Variants in C4orf51 observed in about 807,000 individuals in gnomAD.
C4orf51 encodes the protein uncharacterized protein C4orf51.
In C4orf51, 25 loss-of-function variants were observed where a neutral mutation model predicts 25.2. That is an observed-to-expected ratio of 0.99 (90% CI 0.72 to 1.39). The LOEUF (loss-of-function observed/expected upper bound fraction) is 1.39. C4orf51 is among the 40% of genes most tolerant of loss of function. C4orf51 has a pLI of 0.00. For missense variants in C4orf51, 252 were observed against 239.6 expected, an observed-to-expected ratio of 1.05 and a Z score of -0.34; for synonymous variants, 100 against 84.5, an observed-to-expected ratio of 1.18 and a Z score of -1.01.
At chr4:145,727,924 A>ATAATAT (rs1560851188) in intron 3 of C4orf51, among the ~76,000 whole-genome samples, 2 of 93,664 alleles carry the variant, frequency 2.1e-5, no homozygotes, top group African/African-American at 5.5e-5. Context: ...TATATATATA[A>ATAATAT]AATATATTAT....
chr4:145,779,469 G>A, the C4orf51 span: 2 of 1,614,204 alleles, frequency 1.2e-6, no homozygotes, highest in African/African-American at 2.7e-5. Context: ...GAATTTCCAG[G>A]ATGGTAATCC....
chr4:145,775,703 T>A, downstream of C4orf51: 2 of 1,506,838 alleles, frequency 1.3e-6, no homozygotes, highest in South Asian at 1.2e-5. Flanking sequence ...AGGGGCCTCG[T>A]GATGTATGCC....
In C4orf51 at chr4:145,765,206, C is replaced by T. The variant is rs1054980380; in HGVS notation, n.167-5782C>T. Reference sequence around the variant, plus strand: ...CTGGGTATAGAGGTGCACAGGGCAGCGGGGAGAGGAGGGCAGGAGTGGAGC... The same window carrying T: ...CTGGGTATAGAGGTGCACAGGGCAGTGGGGAGAGGAGGGCAGGAGTGGAGC... On this transcript the variant is annotated intron_variant and non_coding_transcript_variant, in intron 1 of 1. Transcript: ENST00000510096. The surrounding 1 kb of genome is among the most constrained non-coding windows in gnomAD (Gnocchi z 4.7). 4.5e-5 allele frequency: 70 copies of T among 1,543,988 alleles called. No individual in the cohort carries two copies. The highest frequency in any genetic ancestry group is 1.3e-4 in the South Asian group (10 of 79,438).
chr4:145,741,892 G>T (rs971004896), intron 1 of C4orf51, among the ~76,000 whole-genome samples: 2 of 151,946 alleles, frequency 1.3e-5, no homozygotes, highest in Non-Finnish European at 2.9e-5. Context: ...GTAGAGACTG[G>T]GTTTCACCAT....
At chr4:145,704,715 G>T (rs537916608) in intron 2 of C4orf51, among the ~76,000 whole-genome samples, 246 of 152,224 alleles carry the variant, frequency 1.6e-3, no homozygotes, top group African/African-American at 5.7e-3. Flanking sequence ...TTTGTTACTG[G>T]TGGCAAATCC....
At chr4:145,757,621 C>T (rs1579048117), downstream of C4orf51, 1 of 149,450 alleles carries the variant, frequency 6.7e-6, no homozygotes, top group Admixed American at 6.6e-5. Context: ...GAAAAAGAAA[C>T]AAGAGTATAG....
chr4:145,730,388 ATCTATGG>A (rs1283163047), intron 5 of C4orf51, among the ~76,000 whole-genome samples: 1 of 152,072 alleles, frequency 6.6e-6, no homozygotes, highest in Non-Finnish European at 1.5e-5. Context: ...GCCACTCAGC[ATCTATGG>A]TCCCTGCTTC....
chr4:145,756,882 A>G (rs1733987245), downstream of C4orf51, among the ~76,000 whole-genome samples: 1 of 152,204 alleles, frequency 6.6e-6, no homozygotes, highest in African/African-American at 2.4e-5. Flanking sequence ...AGTAAATTTG[A>G]TCTTTTTAAA....
chr4:145,692,057 C>G (rs1159331837), intron 1 of C4orf51, among the ~76,000 whole-genome samples: 1 of 152,158 alleles, frequency 6.6e-6, no homozygotes, highest in Non-Finnish European at 1.5e-5. Context: ...ATATTGTAGA[C>G]CTAGCAATTC....
chr4:145,689,970 C>G (rs1385549790), intron 1 of C4orf51, among the ~76,000 whole-genome samples: 1 of 138,060 alleles, frequency 7.2e-6, no homozygotes, highest in Non-Finnish European at 1.6e-5. Context: ...TTTGGGAGGC[C>G]TAGGTGGGCG....
At chr4:145,776,087 G>T in the C4orf51 span, 2 of 1,041,576 alleles carry the variant, frequency 1.9e-6, no homozygotes, top group Non-Finnish European at 2.8e-6. Context: ...GGAGACAATG[G>T]TAATGCCTAG....
intron 2 of C4orf51, among the ~76,000 whole-genome samples, chr4:145,718,895 A>G (rs1280863990): frequency 6.6e-6 from 1 of 152,238 alleles, no homozygotes; most frequent in Non-Finnish European, 1.5e-5. Context: ...TGTATCCTTC[A>G]GGTCCTTCAA....
intron 1 of C4orf51, among the ~76,000 whole-genome samples, chr4:145,743,882 C>A (rs1006205070): frequency 6.6e-6 from 1 of 152,212 alleles, no homozygotes; most frequent in Non-Finnish European, 1.5e-5. Context: ...GTATGGAAAT[C>A]CCACTCATTC....
At chr4:145,787,966 CA>C in the C4orf51 span, among the ~76,000 whole-genome samples, 76 of 152,218 alleles carry the variant, frequency 5.0e-4, 1 homozygote, top group Admixed American at 1.2e-3. Context: ...TCATTTTTTT[CA>C]AAGTTGCTGT....
In C4orf51 at chr4:145,761,404, G is replaced by C. The variant is rs1734472275; in HGVS notation, n.167-9584G>C. 2 of 1,289,872 alleles carry C rather than the reference G, an allele frequency of 1.6e-6. No individual in the cohort carries two copies. Among genetic ancestry groups the C allele is most frequent in the Non-Finnish European group, 2.0e-6 (2 of 988,862 alleles). The allele number at this position is 1,289,872 out of a possible 1,614,324, so 79.9% of individuals were successfully genotyped here. On this transcript the variant is annotated intron_variant and non_coding_transcript_variant, in intron 1 of 1. Transcript: ENST00000510096. This position sits in a 1 kb window ranked among gnomAD's most constrained non-coding sequence, Gnocchi z 6.8. The stretch of plus-strand genomic sequence containing the variant: ...CACGTGCTCGATGAGCTTGTTGGCG[G>C]TCTTGGACAGGTAGCCGCACTGGTC...
chr4:145,687,789 T>C (rs966690465), intron 1 of C4orf51, among the ~76,000 whole-genome samples: 1 of 152,024 alleles, frequency 6.6e-6, no homozygotes, highest in African/African-American at 2.4e-5. Context: ...ACAGGACAAA[T>C]AGGGAGCACT....
At chr4:145,788,998 A>G in the C4orf51 span, among the ~76,000 whole-genome samples, 2 of 152,202 alleles carry the variant, frequency 1.3e-5, no homozygotes, top group Non-Finnish European at 2.9e-5. Flanking sequence ...TTCCACTGCT[A>G]TTAGAGGCTG....
chr4:145,719,351 A>T (rs1731592468), intron 2 of C4orf51, among the ~76,000 whole-genome samples: 1 of 152,180 alleles, frequency 6.6e-6, no homozygotes, highest in Admixed American at 6.5e-5. Flanking sequence ...CACACCTGTA[A>T]TCCCAGCACT....
chr4:145,689,853 TA>T (rs1331147696), intron 1 of C4orf51, among the ~76,000 whole-genome samples: 2 of 151,930 alleles, frequency 1.3e-5, no homozygotes, highest in African/African-American at 4.8e-5. Flanking sequence ...TTTCACCATA[TA>T]AAAAAAATTA....
Sources: allele counts gnomAD v4.1 joint callset (sites outside exome capture counted in the v4.1 genomes callset), GRCh38; gene constraint gnomAD v4.1.1; non-coding constraint Gnocchi (gnomAD v3.1); transcripts MANE v1.5; gene names NCBI Gene and HGNC (gene_info 2026-07-23, HGNC 2026-07-21).